CDKAL1: variants seen among roughly 807,000 people sequenced by gnomAD.
CDKAL1 encodes threonylcarbamoyladenosine tRNA methylthiotransferase.
CDKAL1 carries 32 observed loss-of-function variants against 68.2 expected under a neutral mutation model. The observed-to-expected ratio is 0.47, with a 90% CI of 0.35 to 0.63. CDKAL1 has a LOEUF of 0.63. Among genes scored for constraint, CDKAL1 ranks in the 30% least tolerant of loss-of-function variants. The pLI, the probability that CDKAL1 is intolerant of heterozygous loss-of-function variation, is 0.00. For missense variants in CDKAL1, 606 were observed against 696.7 expected, an observed-to-expected ratio of 0.87 and a Z score of 1.47; for synonymous variants, 234 against 244.3, an observed-to-expected ratio of 0.96 and a Z score of 0.39.
intron 15 of CDKAL1, among the ~76,000 whole-genome samples, chr6:21,203,640 G>A (rs1778783041): frequency 1.3e-5 from 2 of 150,090 alleles, no homozygotes; most frequent in South Asian, 2.1e-4. Context: ...GGTCTCCCTG[G>A]CATCTAAAGC....
intron 4 of CDKAL1, among the ~76,000 whole-genome samples, chr6:20,590,421 A>G (rs1427243776): frequency 6.6e-6 from 1 of 152,146 alleles, no homozygotes; most frequent in Non-Finnish European, 1.5e-5. Flanking sequence ...TGTTCAAAAC[A>G]TAGGTATACA....
chr6:20,933,525 A>C (rs1212951161), intron 9 of CDKAL1, among the ~76,000 whole-genome samples: 2 of 152,360 alleles, frequency 1.3e-5, no homozygotes, highest in East Asian at 1.9e-4. Context: ...AAAGTCTAGA[A>C]ACCTTATAAA....
intron 8 of CDKAL1, among the ~76,000 whole-genome samples, chr6:20,784,861 A>T (rs1252282909): frequency 6.6e-6 from 1 of 152,178 alleles, no homozygotes; most frequent in Admixed American, 6.5e-5. Flanking sequence ...ACATTAATTA[A>T]AAATTAATCT....
At chr6:21,002,149 A>G (rs1021573613) in intron 11 of CDKAL1, among the ~76,000 whole-genome samples, 3 of 152,210 alleles carry the variant, frequency 2.0e-5, no homozygotes, top group Non-Finnish European at 2.9e-5. Flanking sequence ...TATGAGCTAT[A>G]TAGAGGTAAA....
At chr6:20,916,840 G>A (rs1486412573) in intron 9 of CDKAL1, among the ~76,000 whole-genome samples, 1 of 152,130 alleles carries the variant, frequency 6.6e-6, no homozygotes, top group African/African-American at 2.4e-5. Context: ...GTCTCACTGT[G>A]TATAAAACTA....
chr6:20,781,305 A>G (rs1437863063), intron 8 of CDKAL1, 40 bp downstream of exon 8: 64 of 1,532,328 alleles, frequency 4.2e-5, no homozygotes, highest in Non-Finnish European at 5.5e-5. Context: ...TATTCAATAT[A>G]TTTCATGAAT....
At chr6:20,877,817 T>A (rs1294644228) in intron 9 of CDKAL1, among the ~76,000 whole-genome samples, 6 of 152,194 alleles carry the variant, frequency 3.9e-5, no homozygotes, top group Admixed American at 3.3e-4. Flanking sequence ...TGTAGTTGGC[T>A]TTGTATGGTT....
intron 11 of CDKAL1, 108 bp downstream of exon 11, chr6:21,000,480 C>T (rs1398346306): frequency 1.3e-5 from 12 of 948,886 alleles, no homozygotes; most frequent in South Asian, 1.1e-4. Context: ...AGAGAGAAGG[C>T]GAGACTTTCG....
intron 9 of CDKAL1, among the ~76,000 whole-genome samples, chr6:20,850,676 G>T (rs1220246381): frequency 6.6e-6 from 1 of 152,070 alleles, no homozygotes; most frequent in Non-Finnish European, 1.5e-5. Context: ...GGCCTCAAGT[G>T]ATCTGCCCAC....
chr6:20,900,963 C>T (rs1761930480), intron 9 of CDKAL1, among the ~76,000 whole-genome samples: 1 of 152,178 alleles, frequency 6.6e-6, no homozygotes, highest in South Asian at 2.1e-4. Flanking sequence ...CAGTCATATA[C>T]TGAAAATCAA....
chr6:20,702,954 A>G (rs1771437635), intron 5 of CDKAL1, among the ~76,000 whole-genome samples: 1 of 152,222 alleles, frequency 6.6e-6, no homozygotes, highest in Admixed American at 6.5e-5. Flanking sequence ...GGTCTGTGGC[A>G]GAAATAGGAT....
intron 9 of CDKAL1, among the ~76,000 whole-genome samples, chr6:20,931,732 T>C (rs976116500): frequency 6.6e-6 from 1 of 152,176 alleles, no homozygotes; most frequent in Non-Finnish European, 1.5e-5. Context: ...CAAACATTAA[T>C]TGAGAACTTA....
At chr6:20,607,982 A>T (rs1200398674) in intron 4 of CDKAL1, among the ~76,000 whole-genome samples, 1 of 152,190 alleles carries the variant, frequency 6.6e-6, no homozygotes, top group East Asian at 1.9e-4. Context: ...GACATGAGCC[A>T]CTGCACCCAG....
chr6:20,879,421 G>A (rs1041167350), intron 9 of CDKAL1, among the ~76,000 whole-genome samples: 12 of 152,280 alleles, frequency 7.9e-5, no homozygotes, highest in African/African-American at 1.7e-4. Context: ...AATATCTCCC[G>A]CCTGTTATGT....
intron 5 of CDKAL1, among the ~76,000 whole-genome samples, chr6:20,715,273 C>T (rs11963770): frequency 6.6e-6 from 1 of 152,232 alleles, no homozygotes; most frequent in African/African-American, 2.4e-5. Flanking sequence ...ACCCTCCCCC[C>T]ACCTTTTTAA....
intron 8 of CDKAL1, among the ~76,000 whole-genome samples, chr6:20,841,321 AT>A (rs1339473976): frequency 6.6e-5 from 10 of 152,218 alleles, no homozygotes; most frequent in Non-Finnish European, 1.3e-4. Flanking sequence ...ACTGTGTCAC[AT>A]TAGTCACCTT....
intron 2 of CDKAL1, among the ~76,000 whole-genome samples, chr6:20,538,632 G>A (rs538274518): frequency 6.6e-6 from 1 of 152,086 alleles, no homozygotes; most frequent in East Asian, 1.9e-4. Context: ...TAAAAAATAT[G>A]GCTTTTAATT....
At chr6:20,700,842 C>T (rs1487368863) in intron 5 of CDKAL1, among the ~76,000 whole-genome samples, 1 of 151,332 alleles carries the variant, frequency 6.6e-6, no homozygotes, top group Non-Finnish European at 1.5e-5. Flanking sequence ...AATCACTCAA[C>T]ACCAAATGGT....
At chr6:20,573,309 A>T (rs1764778952) in intron 4 of CDKAL1, among the ~76,000 whole-genome samples, 2 of 152,154 alleles carry the variant, frequency 1.3e-5, no homozygotes, top group Non-Finnish European at 2.9e-5. Flanking sequence ...ATAGTAGGTG[A>T]TTGGAGTTGT....
Sources: gnomAD v4.1 joint callset for allele counts (sites outside exome capture counted in the v4.1 genomes callset) on GRCh38, gnomAD v4.1.1 for gene constraint, MANE v1.5 for transcripts, NCBI Gene and HGNC (gene_info 2026-07-23, HGNC 2026-07-21) for gene names.